Variants in INPP5F observed in about 807,000 individuals in gnomAD.
INPP5F encodes the protein inositol polyphosphate-5-phosphatase F, also known as phosphatidylinositide 4-phosphatase SAC2.
A neutral mutation model predicts 137.2 loss-of-function variants in INPP5F; 97 were observed. The ratio of observed to expected loss-of-function variants is 0.71; its 90% confidence interval spans 0.60 to 0.84. The LOEUF is 0.84. INPP5F is among the 40% of genes least tolerant of loss of function. INPP5F has a pLI of 0.00. For synonymous variants in INPP5F, 504 were observed against 476.9 expected (o/e 1.06, Z -0.74); for missense variants, 1,271 against 1,371.9 (o/e 0.93, Z 1.16).
At chr10:119,783,971 CAA>C (rs3065471) in intron 3 of INPP5F, among the ~76,000 whole-genome samples, 2,569 of 152,270 alleles carry the variant, frequency 0.017, 31 homozygotes, top group Non-Finnish European at 0.027. Flanking sequence ...ACCTTTCTCT[CAA>C]GAGATTAAAA....
rs200638518 is a variant in INPP5F, at chr10:119,743,307, T to G, written c.98-7769T>G. On this transcript the variant is annotated intron_variant, in intron 1 of 19. Transcript: ENST00000650623. The stretch of plus-strand genomic sequence containing the variant: ...TGTTTACCTATCCATTTGGGAGCCT[T>G]CTGTGTACCATGCACTGGGAACAGA... Among the ~76,000 whole-genome samples, 15 of 152,296 alleles carry G rather than the reference T, an allele frequency of 9.8e-5. No individual in the cohort carries two copies. In the East Asian group the frequency reaches 1.5e-3, roughly 16 times the overall value.
At chr10:119,802,700 T>G (rs551414012) in intron 9 of INPP5F, among the ~76,000 whole-genome samples, 50 of 152,338 alleles carry the variant, frequency 3.3e-4, no homozygotes, top group African/African-American at 1.0e-3. Flanking sequence ...TACTTGTATG[T>G]TTTATAGAAT....
intron 6 of INPP5F, among the ~76,000 whole-genome samples, chr10:119,794,889 C>G (rs865923283): frequency 8.5e-6 from 1 of 117,680 alleles, no homozygotes; most frequent in Non-Finnish European, 1.9e-5. Flanking sequence ...GGCGGCTGGC[C>G]GGGCGGGGGG....
At position 119,779,328 on chromosome 10, in the gene INPP5F, C is replaced by T. The variant is rs554676291; in HGVS notation, c.179-2307C>T. The stretch of plus-strand genomic sequence containing the variant: ...TGAATGTGAAGGCCTAGGACATTAT[C>T]GTACACTACTATAGACTTTATAAAC... On this transcript the variant is annotated intron_variant, in intron 2 of 19. Coordinates refer to ENST00000650623, the MANE Select transcript of INPP5F (RefSeq NM_014937.4). 1.6e-3 allele frequency among the ~76,000 whole-genome samples: 251 copies of T among 152,240 alleles called. 4 individuals are homozygous for T. Among genetic ancestry groups the T allele is most frequent in the African/African-American group, 5.7e-3 (237 of 41,514 alleles).
chr10:119,817,128 A>G (rs184596191), intron 15 of INPP5F, among the ~76,000 whole-genome samples: 11 of 152,334 alleles, frequency 7.2e-5, no homozygotes, highest in Non-Finnish European at 1.2e-4. Flanking sequence ...TTCAGTTAGC[A>G]TAATGTTTTC....
At position 119,771,862 on chromosome 10, in the gene INPP5F, ATATATATATATATATATATATTTTTTTT is replaced by A. The variant is rs1292500414; in HGVS notation, c.179-9771_179-9744del. Among the ~76,000 whole-genome samples, 11 of 9,792 alleles carry A rather than the reference ATATATATATATATATATATATTTTTTTT, an allele frequency of 1.1e-3. No individual in the cohort carries two copies. In the South Asian group the frequency reaches 0.031, roughly 28 times the overall value. 6.4% of individuals were successfully genotyped at this position (9,792 alleles called of 152,430 possible). On this transcript the variant is annotated intron_variant, in intron 2 of 19. Transcript: ENST00000650623. ...AGTATGGAGATATATATATATATAT[ATATATATATATATATATATATTTTTTTT>A]TTTTTTTTTTTTTTTTTTTTTTTGA...
chr10:119,795,884 C>T (rs999559236), intron 6 of INPP5F, among the ~76,000 whole-genome samples: 46 of 152,282 alleles, frequency 3.0e-4, no homozygotes, highest in African/African-American at 8.9e-4. Flanking sequence ...GAGACCAGCC[C>T]GGCCAACACG....
At chr10:119,747,725 C>T (rs1313042462) in intron 1 of INPP5F, among the ~76,000 whole-genome samples, 1 of 152,094 alleles carries the variant, frequency 6.6e-6, no homozygotes, top group African/African-American at 2.4e-5. Context: ...TAATATTCAT[C>T]ATTTATCACA....
intron 10 of INPP5F, 55 bp from the exon 11 acceptor site, chr10:119,805,329 A>T (rs1344064834): frequency 3.6e-6 from 5 of 1,407,590 alleles, no homozygotes; most frequent in Admixed American, 1.8e-5. Flanking sequence ...CTTAAGTTTT[A>T]AAAAAATCTA....
chr10:119,798,512 G>C (rs368428305), intron 8 of INPP5F, 31 bp from the exon 9 acceptor site: 6 of 1,553,900 alleles, frequency 3.9e-6, no homozygotes, highest in Non-Finnish European at 5.3e-6. Context: ...ACATGGGAAG[G>C]AAAAAAAGAT....
chr10:119,810,575 A>G (rs182680887), intron 14 of INPP5F, among the ~76,000 whole-genome samples: 1 of 152,338 alleles, frequency 6.6e-6, no homozygotes, highest in Admixed American at 6.5e-5. Flanking sequence ...GAGCAATGTA[A>G]CCAGATTATT....
intron 3 of INPP5F, among the ~76,000 whole-genome samples, chr10:119,784,574 G>A (rs1407456007): frequency 1.3e-5 from 2 of 152,146 alleles, no homozygotes; most frequent in Admixed American, 6.5e-5. Flanking sequence ...TCTGTGTTCT[G>A]TAATTGGAGC....
At chr10:119,763,957 A>G (rs1849080484) in intron 2 of INPP5F, among the ~76,000 whole-genome samples, 3 of 152,304 alleles carry the variant, frequency 2.0e-5, no homozygotes, top group South Asian at 4.1e-4. Flanking sequence ...GATCATCTCC[A>G]TATTGTCCAA....
chr10:119,784,583 GC>G (rs943731671), intron 3 of INPP5F, among the ~76,000 whole-genome samples: 1 of 152,150 alleles, frequency 6.6e-6, no homozygotes, highest in African/African-American at 2.4e-5. Context: ...TGTAATTGGA[GC>G]AGAAGCAATC....
In INPP5F at chr10:119,791,536, T is replaced by G. The variant is rs769227425; in HGVS notation, c.335T>G (p.Phe112Cys). ...LELELCKKHHFGINKPEKIIP... is the reference protein window; with the variant it reads ...LELELCKKHHCGINKPEKIIP... ...ATTTAGCTCTGTAAGAAGCATCATT[T>G]TGGTATTAACAAACCAGAGAAGATC... Residue 112 changes from phenylalanine (F) to cysteine (C), a missense_variant, in exon 4 of 20, where the codon TTT (phenylalanine) becomes TGT (cysteine). Phe to Cys is a radical substitution (Grantham distance 205). Around this residue, in one of 6 missense-constraint regions of INPP5F, gnomAD observed 62 missense variants for 55.0 expected, o/e 1.13. Coordinates refer to ENST00000650623, the MANE Select transcript of INPP5F (RefSeq NM_014937.4). The G allele has an allele frequency of 6.2e-7, 1 of 1,601,850 alleles. No individual in the cohort carries two copies. Among genetic ancestry groups the G allele is most frequent in the African/African-American group, 1.3e-5 (1 of 74,782 alleles).
intron 17 of INPP5F, 23 bp from the exon 18 acceptor site, chr10:119,823,048 T>A (rs566161484): frequency 1.9e-6 from 3 of 1,600,288 alleles, no homozygotes; most frequent in Non-Finnish European, 2.6e-6. Context: ...TTTAACTTTA[T>A]ACGTATTCAT....
chr10:119,733,315 A>C (rs1848137159), intron 1 of INPP5F, among the ~76,000 whole-genome samples: 1 of 152,218 alleles, frequency 6.6e-6, no homozygotes, highest in African/African-American at 2.4e-5. Flanking sequence ...GTTGTTATGT[A>C]ATGAATTGAC....
intron 1 of INPP5F, among the ~76,000 whole-genome samples, chr10:119,731,945 T>A (rs1848081396): frequency 6.6e-6 from 1 of 152,150 alleles, no homozygotes; most frequent in Non-Finnish European, 1.5e-5. Flanking sequence ...TTTGTATGAC[T>A]ACGTTTATTT....
At chr10:119,744,708 C>T (rs1487439361) in intron 1 of INPP5F, among the ~76,000 whole-genome samples, 3 of 152,074 alleles carry the variant, frequency 2.0e-5, no homozygotes, top group African/African-American at 4.8e-5. Context: ...CGTGCCGCCA[C>T]ACCTGGTTAA....
Sources: allele counts gnomAD v4.1 joint callset (sites outside exome capture counted in the v4.1 genomes callset), GRCh38; gene constraint gnomAD v4.1.1; regional missense constraint gnomAD v4.1.1; transcripts MANE v1.5; gene names NCBI Gene and HGNC (gene_info 2026-07-23, HGNC 2026-07-21).